The following ABHD2 variants were observed in gnomAD, a reference collection of about 807,000 sequenced individuals.
ABHD2 encodes monoacylglycerol lipase ABHD2.
A neutral mutation model predicts 48.1 loss-of-function variants in ABHD2; 20 were observed. The observed-to-expected ratio is 0.42, with a 90% CI of 0.29 to 0.60. The LOEUF is 0.60. Among genes scored for constraint, ABHD2 ranks in the 20% least tolerant of loss-of-function variants. The pLI is 0.24. For missense variants in ABHD2, 405 were observed against 550.9 expected, an observed-to-expected ratio of 0.74 and a Z score of 2.65; for synonymous variants, 209 against 214.2, an observed-to-expected ratio of 0.98 and a Z score of 0.21.
the ABHD2 span, among the ~76,000 whole-genome samples, chr15:89,045,476 T>C: frequency 6.6e-6 from 1 of 152,356 alleles, no homozygotes; most frequent in South Asian, 2.1e-4. Flanking sequence ...ATTGAATCTA[T>C]AAATTACCTT....
At chr15:89,051,185 A>G in the ABHD2 span, among the ~76,000 whole-genome samples, 17 of 152,304 alleles carry the variant, frequency 1.1e-4, no homozygotes, top group African/African-American at 4.1e-4. Context: ...GTGAGCCAAG[A>G]TCATGCCACT....
At chr15:89,194,193 A>G (rs1007684725) in intron 10 of ABHD2, among the ~76,000 whole-genome samples, 1 of 152,116 alleles carries the variant, frequency 6.6e-6, no homozygotes, top group Non-Finnish European at 1.5e-5. Context: ...CATCTGCTTG[A>G]AACATACAAA....
At chr15:89,169,896 C>G (rs2050892984) in intron 5 of ABHD2, among the ~76,000 whole-genome samples, 1 of 151,878 alleles carries the variant, frequency 6.6e-6, no homozygotes, top group African/African-American at 2.4e-5. Flanking sequence ...TACCCTAGAC[C>G]CCCAGTTTTT....
chr15:89,115,020 T>C (rs2049932890), intron 2 of ABHD2, among the ~76,000 whole-genome samples: 1 of 152,246 alleles, frequency 6.6e-6, no homozygotes, highest in South Asian at 2.1e-4. Flanking sequence ...AAAGGGTTTC[T>C]GAGTCCTCTC....
chr15:89,131,225 A>ATATT lies in ABHD2; in HGVS notation c.194+14705_194+14708dup, dbSNP rs545685272. 6.6e-5 allele frequency among the ~76,000 whole-genome samples: 10 copies of ATATT among 152,170 alleles called. No individual in the cohort carries two copies. The South Asian group carries it at 2.1e-3, about 32-fold the overall frequency. On this transcript the variant is annotated intron_variant, in intron 3 of 10. Coordinates refer to ENST00000352732, the MANE Select transcript of ABHD2 (RefSeq NM_152924.5). ...CATCAGCCCTCGCTCCTTCTTCCCT[A>ATATT]TATTCCTTGTGTTCTAGACACATCA...
At chr15:89,067,465 T>C in the ABHD2 span, among the ~76,000 whole-genome samples, 1 of 152,176 alleles carries the variant, frequency 6.6e-6, no homozygotes, top group Admixed American at 6.5e-5. Context: ...ACAAGGAGTT[T>C]TAAGCCCTGA....
At position 89,114,765 on chromosome 15, in the gene ABHD2, G is replaced by A. The variant is rs1313529491; in HGVS notation, c.-7+941G>A. Among the ~76,000 whole-genome samples, 1 of 152,194 alleles carries A rather than the reference G, an allele frequency of 6.6e-6. No homozygotes were observed. The highest frequency in any genetic ancestry group is 2.4e-5 in the African/African-American group (1 of 41,448). On this transcript the variant is annotated intron_variant, in intron 2 of 10. Transcript: ENST00000352732. The surrounding 1 kb of genome is among the most constrained non-coding windows in gnomAD (Gnocchi z 4.2). The stretch of plus-strand genomic sequence containing the variant: ...TCCCAAAGTGCATGATTACAGGCAT[G>A]AGCCATGGTGCCCAGCCCAGAAGTT...
intron 1 of ABHD2, among the ~76,000 whole-genome samples, chr15:89,099,904 G>A (rs2049674939): frequency 6.6e-6 from 1 of 152,124 alleles, no homozygotes; most frequent in Non-Finnish European, 1.5e-5. Context: ...GCAAGACCCT[G>A]TCTCAAAAAA....
intron 1 of ABHD2, among the ~76,000 whole-genome samples, chr15:89,111,290 T>A (rs930685556): frequency 6.6e-6 from 1 of 152,238 alleles, no homozygotes; most frequent in Non-Finnish European, 1.5e-5. Context: ...AATACTCTTA[T>A]AACGCAGTGA....
chr15:89,153,520 A>AACAT (rs2050625345), intron 4 of ABHD2, among the ~76,000 whole-genome samples: 3 of 152,236 alleles, frequency 2.0e-5, no homozygotes, highest in Admixed American at 2.0e-4. Context: ...TACCAGGACC[A>AACAT]ACATGGAAAG....
chr15:89,055,323 CTTTT>C, the ABHD2 span, among the ~76,000 whole-genome samples: 6 of 124,790 alleles, frequency 4.8e-5, no homozygotes, highest in Non-Finnish European at 3.4e-5. Flanking sequence ...ACACTAGTTT[CTTTT>C]TTTTTTTTTT....
chr15:89,179,415 G>C lies in ABHD2; in HGVS notation c.722+3420G>C, dbSNP rs560097446. On this transcript the variant is annotated intron_variant, in intron 6 of 10. Transcript: ENST00000352732. This position sits in a 1 kb window ranked among gnomAD's most constrained non-coding sequence, Gnocchi z 4.3. ...CAGCAGTGACATTAGATTCTCATAG[G>C]AGGATGAACCTTATTGTGAACTGCG... Among the ~76,000 whole-genome samples the C allele has an allele frequency of 6.6e-6, 1 of 152,198 alleles. No individual in the cohort carries two copies. The highest frequency in any genetic ancestry group is 1.5e-5 in the Non-Finnish European group (1 of 68,034).
At chr15:89,187,697 C>T (rs1436687429) in intron 7 of ABHD2, among the ~76,000 whole-genome samples, 1 of 152,182 alleles carries the variant, frequency 6.6e-6, no homozygotes, top group Non-Finnish European at 1.5e-5. Context: ...ATCTAAGACA[C>T]TAGAGAGCTG....
In ABHD2 at chr15:89,155,570, C is replaced by T. The variant is rs1490008807; in HGVS notation, c.538+36C>T. On this transcript the variant is annotated intron_variant, in intron 5 of 10. Coordinates refer to ENST00000352732, the MANE Select transcript of ABHD2 (RefSeq NM_152924.5). This position sits in a 1 kb window ranked among gnomAD's most constrained non-coding sequence, Gnocchi z 4.9. ...CTAAGTGGAGTCCTCCCTTTTTCTG[C>T]AAGTGTGCTACTACTTCTGCTTCTG... is the stretch of plus-strand genomic sequence containing the variant. 2.5e-6 allele frequency: 4 copies of T among 1,590,014 alleles called. No homozygotes were observed. In the South Asian group the frequency reaches 3.4e-5, roughly 13 times the overall value.
chr15:89,138,948 G>T (rs1318187681), intron 3 of ABHD2, among the ~76,000 whole-genome samples: 1 of 152,000 alleles, frequency 6.6e-6, no homozygotes, highest in East Asian at 1.9e-4. Context: ...GGGCAGGATG[G>T]CTCACTTCTA....
chr15:89,077,434 G>A, the ABHD2 span, among the ~76,000 whole-genome samples: 2 of 152,162 alleles, frequency 1.3e-5, no homozygotes, highest in East Asian at 3.9e-4. Flanking sequence ...TACGAATGGT[G>A]CTATTGTGAA....
the ABHD2 span, among the ~76,000 whole-genome samples, chr15:89,043,021 A>T: frequency 2.6e-5 from 4 of 151,966 alleles, no homozygotes; most frequent in South Asian, 8.3e-4. Flanking sequence ...ACTAGTACAT[A>T]TTCCACGGCT....
chr15:89,109,742 A>C (rs929633763), intron 1 of ABHD2, among the ~76,000 whole-genome samples: 6 of 152,134 alleles, frequency 3.9e-5, no homozygotes, highest in Admixed American at 3.3e-4. Context: ...TGAATGTGAA[A>C]ATTTTTCTTC....
chr15:89,092,384 T>C lies in ABHD2; in HGVS notation c.-107+3821T>C, dbSNP rs572032608. Among the ~76,000 whole-genome samples the C allele has an allele frequency of 1.1e-3, 173 of 152,372 alleles. No individual in the cohort carries two copies. The highest frequency in any genetic ancestry group is 3.9e-3 in the African/African-American group (164 of 41,594). ...TTCAACAAATTAAGCATCTGGTGTG[T>C]GCCAGGAACACAGTTGACAAGATTA... On this transcript the variant is annotated intron_variant, in intron 1 of 10. Transcript: ENST00000352732. This position sits in a 1 kb window ranked among gnomAD's most constrained non-coding sequence, Gnocchi z 4.4.
Sources: allele counts gnomAD v4.1 joint callset (sites outside exome capture counted in the v4.1 genomes callset), GRCh38; gene constraint gnomAD v4.1.1; non-coding constraint Gnocchi (gnomAD v3.1); transcripts MANE v1.5; gene names NCBI Gene and HGNC (gene_info 2026-07-23, HGNC 2026-07-21).